Variants in DNAJC5B observed in about 807,000 individuals in gnomAD.
DNAJC5B encodes the protein DnaJ heat shock protein family (Hsp40) member C5 beta.
A neutral mutation model predicts 24.7 loss-of-function variants in DNAJC5B; 23 were observed. The ratio of observed to expected loss-of-function variants is 0.93; its 90% CI spans 0.67 to 1.32. The LOEUF is 1.32. Among genes scored for constraint, DNAJC5B ranks in the 40% most tolerant of loss-of-function variants. DNAJC5B has a pLI of 0.00. For synonymous variants in DNAJC5B, 101 were observed against 90.1 expected, an observed-to-expected ratio of 1.12 and a Z score of -0.68; for missense variants, 238 against 240.8, an observed-to-expected ratio of 0.99 and a Z score of 0.08.
In DNAJC5B at chr8:66,046,045, C is replaced by A. The variant is rs140564890; in HGVS notation, c.-18+2434C>A. ...GGTGGTAGGAGCATGTTTAACAAGA[C>A]TAGAAACGCTCAGGGCTATGGCTCA... On this transcript the variant is annotated intron_variant, in intron 2 of 5. Coordinates refer to ENST00000276570, the MANE Select transcript of DNAJC5B (RefSeq NM_033105.6). Among the ~76,000 whole-genome samples the A allele has an allele frequency of 2.4e-3, 366 of 152,250 alleles. 1 individual carries two copies. The highest frequency in any genetic ancestry group is 0.015 in the South Asian group (70 of 4,818).
intron 2 of DNAJC5B, among the ~76,000 whole-genome samples, 167 bp from the exon 3 acceptor site, chr8:66,051,364 A>G (rs1806840334): frequency 1.3e-5 from 2 of 152,222 alleles, no homozygotes; most frequent in African/African-American, 4.8e-5. Flanking sequence ...ACCCTGATTC[A>G]GAGCTCTGCT....
chr8:66,042,463 A>G (rs1806630642), intron 1 of DNAJC5B, among the ~76,000 whole-genome samples: 1 of 152,226 alleles, frequency 6.6e-6, no homozygotes, highest in Non-Finnish European at 1.5e-5. Flanking sequence ...ACATTTTTAA[A>G]AAGCTACCCA....
At chr8:66,036,452 C>T (rs1340620020) in intron 1 of DNAJC5B, among the ~76,000 whole-genome samples, 1 of 152,168 alleles carries the variant, frequency 6.6e-6, no homozygotes, top group East Asian at 1.9e-4. Context: ...CTCTGGGATG[C>T]TATTGCAAAA....
intron 5 of DNAJC5B, among the ~76,000 whole-genome samples, chr8:66,098,376 G>T (rs953579879): frequency 1.3e-5 from 2 of 151,430 alleles, no homozygotes; most frequent in Non-Finnish European, 2.9e-5. Flanking sequence ...CTAATTTTTG[G>T]ATTTTCAGTA....
chr8:66,095,896 C>G (rs1807942678), intron 5 of DNAJC5B, among the ~76,000 whole-genome samples: 1 of 152,102 alleles, frequency 6.6e-6, no homozygotes, highest in South Asian at 2.1e-4. Flanking sequence ...TTTGAAATGT[C>G]TTAGGACTTG....
intron 5 of DNAJC5B, among the ~76,000 whole-genome samples, chr8:66,092,089 C>A (rs1483102837): frequency 6.6e-6 from 1 of 152,146 alleles, no homozygotes; most frequent in Non-Finnish European, 1.5e-5. Flanking sequence ...TGCAATTAGA[C>A]AAAGTGTGAG....
rs1189395748 is a variant in DNAJC5B at position 66,070,975 on chromosome 8, G to T, written c.120-5685G>T. Among the ~76,000 whole-genome samples, 4 of 152,106 alleles carry T rather than the reference G, an allele frequency of 2.6e-5. No individual in the cohort carries two copies. The East Asian group carries it at 5.8e-4, about 22-fold the overall frequency. ...GAAAGGATTCCCTATTTAATAAATC[G>T]TGTTGGGAAAACTGGCTAACCATAT... On this transcript the variant is annotated intron_variant, in intron 3 of 5. Transcript: ENST00000276570.
intron 1 of DNAJC5B, among the ~76,000 whole-genome samples, chr8:66,030,282 T>C (rs1354319109): frequency 6.6e-6 from 1 of 152,226 alleles, no homozygotes; most frequent in African/African-American, 2.4e-5. Context: ...CTTTGACACC[T>C]TCCTGGGCCA....
Position 66,076,642 on chromosome 8 carries a change from T to C in DNAJC5B, c.120-18T>C. The C allele has an allele frequency of 6.2e-7, 1 of 1,613,278 alleles. No homozygotes were observed. Among genetic ancestry groups the C allele is most frequent in the South Asian group, 1.1e-5 (1 of 91,034 alleles). On this transcript the variant is annotated intron_variant, in intron 3 of 5. Coordinates refer to ENST00000276570, the MANE Select transcript of DNAJC5B (RefSeq NM_033105.6). ...TGTCAAATAACACACTCTCCTTGTT[T>C]TTCTTTTATTTTAAAAGAAAATTGG...
chr8:66,070,673 C>T (rs1305109006), intron 3 of DNAJC5B, among the ~76,000 whole-genome samples: 1 of 152,212 alleles, frequency 6.6e-6, no homozygotes, highest in African/African-American at 2.4e-5. Flanking sequence ...CTACCACTGA[C>T]TTTCTTCACA....
chr8:66,091,545 T>C (rs1206007705), intron 5 of DNAJC5B, among the ~76,000 whole-genome samples: 1 of 151,906 alleles, frequency 6.6e-6, no homozygotes, highest in Non-Finnish European at 1.5e-5. Flanking sequence ...GCAGGTAGAG[T>C]CATATTGGGC....
At chr8:66,023,024 G>A (rs1390281102) in intron 1 of DNAJC5B, among the ~76,000 whole-genome samples, 2 of 152,174 alleles carry the variant, frequency 1.3e-5, no homozygotes, top group African/African-American at 4.8e-5. Context: ...CCTGATCCTT[G>A]TGTTAGTCAC....
chr8:66,027,767 C>T (rs779493518), intron 1 of DNAJC5B, among the ~76,000 whole-genome samples: 6 of 152,042 alleles, frequency 3.9e-5, no homozygotes, highest in Non-Finnish European at 7.4e-5. Flanking sequence ...TCTCCCTCCC[C>T]GCATCAAGCT....
chr8:66,022,018 A>C (rs986340182), intron 1 of DNAJC5B, among the ~76,000 whole-genome samples: 2 of 152,252 alleles, frequency 1.3e-5, no homozygotes, highest in African/African-American at 4.8e-5. Context: ...AAAACAAACA[A>C]AAGTAATAAA....
chr8:66,070,390 T>C (rs1251249243), intron 3 of DNAJC5B, among the ~76,000 whole-genome samples: 1 of 152,148 alleles, frequency 6.6e-6, no homozygotes, highest in Admixed American at 6.5e-5. Flanking sequence ...TCTGCAAAAA[T>C]CACAAGCATT....
intron 3 of DNAJC5B, among the ~76,000 whole-genome samples, chr8:66,068,163 T>C (rs1456575369): frequency 2.0e-5 from 3 of 152,222 alleles, no homozygotes; most frequent in Non-Finnish European, 4.4e-5. Flanking sequence ...TTTAATGCAA[T>C]GTTTGACACA....
chr8:66,093,127 A>C (rs1807881258), intron 5 of DNAJC5B, among the ~76,000 whole-genome samples: 1 of 152,186 alleles, frequency 6.6e-6, no homozygotes, highest in South Asian at 2.1e-4. Context: ...CCCATAATTT[A>C]CTTATCCATT....
At chr8:66,023,356 C>A (rs906005914) in intron 1 of DNAJC5B, among the ~76,000 whole-genome samples, 12 of 152,136 alleles carry the variant, frequency 7.9e-5, no homozygotes, top group African/African-American at 2.9e-4. Context: ...AGCAGATATT[C>A]TCCTAGCCTC....
intron 1 of DNAJC5B, among the ~76,000 whole-genome samples, chr8:66,029,658 A>G (rs1806318719): frequency 1.3e-5 from 2 of 152,220 alleles, no homozygotes; most frequent in South Asian, 2.1e-4. Flanking sequence ...ACAGAGGAAG[A>G]GAGTGGACTT....
Sources: allele counts gnomAD v4.1 joint callset (sites outside exome capture counted in the v4.1 genomes callset), GRCh38; gene constraint gnomAD v4.1.1; transcripts MANE v1.5; gene names NCBI Gene and HGNC (gene_info 2026-07-23, HGNC 2026-07-21).